NOC3L: variants seen among roughly 807,000 people sequenced by gnomAD.
The protein encoded by NOC3L is nucleolar complex protein 3 homolog.
A neutral mutation model predicts 102.5 loss-of-function variants in NOC3L; 85 were observed. That is an observed-to-expected ratio of 0.83 (90% CI 0.70 to 0.99). The LOEUF (loss-of-function observed/expected upper bound fraction) is 0.99. Among genes scored for constraint, NOC3L ranks in the 50% least tolerant of loss-of-function variants. The probability of loss-of-function intolerance (pLI) is 0.00; values close to 1 mark genes in which losing one functional copy is unlikely to be tolerated. For synonymous variants in NOC3L, 303 were observed against 309.4 expected (o/e 0.98, Z 0.22); for missense variants, 878 against 914.9 (o/e 0.96, Z 0.52).
chr10:94,335,565 G>A (rs1292664915), intron 19 of NOC3L, among the ~76,000 whole-genome samples: 6 of 152,088 alleles, frequency 3.9e-5, no homozygotes, highest in Admixed American at 1.3e-4. Flanking sequence ...AGAAGGAAAG[G>A]GCTCATGGAA....
intron 1 of NOC3L, 167 bp from the exon 2 acceptor site, chr10:94,362,039 A>G: frequency 1.5e-6 from 1 of 681,124 alleles, no homozygotes; most frequent in Non-Finnish European, 2.6e-6. Context: ...AATCCTACAG[A>G]AGAGCGCTAC....
At chr10:94,346,701 C>T (rs1413331827) in intron 10 of NOC3L, 145 bp from the exon 11 acceptor site, 6 of 408,318 alleles carry the variant, frequency 1.5e-5, no homozygotes, top group African/African-American at 1.3e-4. Context: ...ACACCAACTT[C>T]TTTTATCTGT....
chr10:94,361,857 G>T lies in NOC3L; in HGVS notation c.25C>A (p.Gln9Lys). The T allele has an allele frequency of 6.2e-7, 1 of 1,608,620 alleles. No individual in the cohort carries two copies. Among genetic ancestry groups the T allele is most frequent in the Non-Finnish European group, 8.5e-7 (1 of 1,176,898 alleles). Reference sequence around the variant, plus strand: ...ATTAACTTGCGAAAGCTTGGGATCTGTTTTTTATTTCTTCTCTAGAAAATA... The same window carrying T: ...ATTAACTTGCGAAAGCTTGGGATCTTTTTTTTATTTCTTCTCTAGAAAATA... MKARRNKK[Q>K]IPSFRKLIKT... is the part of the protein sequence containing the mutation. Residue 9 changes from glutamine (Q) to lysine (K), a missense_variant, in exon 2 of 21, where the codon CAG (glutamine) becomes AAG (lysine). Coordinates refer to ENST00000371361, the MANE Select transcript of NOC3L (RefSeq NM_022451.11).
In NOC3L at chr10:94,341,749, G is replaced by T. The variant is rs1486399358; in HGVS notation, c.1572-4C>A. 6.5e-7 allele frequency: 1 copy of T among 1,530,302 alleles called. No individual in the cohort carries two copies. Among genetic ancestry groups the T allele is most frequent in the South Asian group, 1.3e-5 (1 of 75,692 alleles). The allele number at this position is 1,530,302 out of a possible 1,614,324, so 94.8% of individuals were successfully genotyped here. A position where few individuals can be genotyped will look rare whatever the true frequency, so the allele number is the denominator to read the frequency against. ...CACATTTATAAGGTGAGCAAACCTG[G>T]AATCAAACAAAACAGTTAATCAGTG... On this transcript the variant is annotated splice_polypyrimidine_tract_variant and splice_region_variant and intron_variant, in intron 13 of 20. Transcript: ENST00000371361.
the NOC3L span, among the ~76,000 whole-genome samples, chr10:94,317,725 A>G: frequency 6.6e-6 from 1 of 152,234 alleles, no homozygotes. Flanking sequence ...GACTTAATTG[A>G]TGAAGCACTT....
At chr10:94,323,530 A>G in the NOC3L span, among the ~76,000 whole-genome samples, 1 of 152,246 alleles carries the variant, frequency 6.6e-6, no homozygotes, top group African/African-American at 2.4e-5. Flanking sequence ...CTCCAGCAAA[A>G]CACTACATGG....
chr10:94,334,617 T>C lies in NOC3L; in HGVS notation c.2274+17A>G, dbSNP rs1449325563. 1 of 1,583,864 alleles carries C rather than the reference T, an allele frequency of 6.3e-7. No homozygotes were observed. ...GTTTCTATTTCTTCCTTTAAAAAAA[T>C]GAAAAATATCCCATACCTTTATTTT... is the stretch of plus-strand genomic sequence containing the variant. On this transcript the variant is annotated intron_variant, in intron 20 of 20. Transcript: ENST00000371361.
Position 94,340,491 on chromosome 10 carries a change from T to C in NOC3L, c.1650A>G (p.Leu550=). 8.5e-7 allele frequency: 1 copy of C among 1,169,788 alleles called. No homozygotes were observed. The allele number at this position is 1,169,788 out of a possible 1,614,324, so 72.5% of individuals were successfully genotyped here. A position where few individuals can be genotyped will look rare whatever the true frequency, so the allele number is the denominator to read the frequency against. ...VLHTLIESGD[L]SYQESLHCVQ... is the part of the protein sequence containing the mutation. ...CACAGTGAAGACTTTCTTGATAGCT[T>C]AGGTCCTTTAAAAAAAAAAGGGGGG... The change falls in exon 15 of 21, where the codon CTA becomes CTG. Residue 550 remains leucine (L), a synonymous_variant. Coordinates refer to ENST00000371361, the MANE Select transcript of NOC3L (RefSeq NM_022451.11).
the NOC3L span, chr10:94,325,264 T>A: frequency 3.2e-6 from 2 of 630,414 alleles, no homozygotes; most frequent in Admixed American, 5.0e-5. Flanking sequence ...GCTCTGAAGA[T>A]ATGTGTAACA....
At position 94,361,868 on chromosome 10, in the gene NOC3L, C is replaced by A. The variant is rs1390183487; in HGVS notation, c.14G>T (p.Arg5Ile). The A allele has an allele frequency of 1.2e-6, 2 of 1,602,278 alleles. No individual in the cohort carries two copies. The highest frequency in any genetic ancestry group is 1.7e-6 in the Non-Finnish European group (2 of 1,171,850). ...AAAGCTTGGGATCTGTTTTTTATTT[C>A]TTCTCTAGAAAATAACAGAAAGAAT... MKAR[R>I]NKKQIPSFRK... Residue 5 changes from arginine to isoleucine, a missense_variant, in exon 2 of 21, where the codon AGA (arginine) becomes ATA (isoleucine). Arg to Ile is a moderately conservative substitution (Grantham distance 97). Transcript: ENST00000371361.
At chr10:94,356,425 G>T in intron 5 of NOC3L, 110 bp downstream of exon 5, 1 of 705,368 alleles carries the variant, frequency 1.4e-6, no homozygotes, top group South Asian at 1.6e-5. Flanking sequence ...ACCTTGAAAT[G>T]AGCAGTACTC....
intron 10 of NOC3L, among the ~76,000 whole-genome samples, chr10:94,348,197 A>G (rs1017142823): frequency 3.3e-5 from 5 of 150,382 alleles, no homozygotes; most frequent in Admixed American, 2.0e-4. Flanking sequence ...CAGATATTAA[A>G]TCTGTACTCA....
the NOC3L span, chr10:94,316,432 A>G: frequency 1.4e-6 from 1 of 707,668 alleles, no homozygotes; most frequent in South Asian, 1.5e-5. Context: ...ATTATGCAAT[A>G]CTCTAGAGTA....
chr10:94,327,946 G>T, the NOC3L span: 1 of 529,654 alleles, frequency 1.9e-6, no homozygotes, highest in Admixed American at 2.0e-5. Context: ...ATACTAATAA[G>T]CCTCTGTATA....
the NOC3L span, among the ~76,000 whole-genome samples, chr10:94,327,240 A>G: frequency 6.6e-6 from 1 of 152,124 alleles, no homozygotes; most frequent in African/African-American, 2.4e-5. Flanking sequence ...GACCTCCTTT[A>G]CAATGGTCTT....
At chr10:94,337,754 A>G (rs781021222) in intron 19 of NOC3L, 23 bp downstream of exon 19, 1 of 1,507,264 alleles carries the variant, frequency 6.6e-7, no homozygotes, top group Non-Finnish European at 9.2e-7. Context: ...GTAGTTTTAG[A>G]ATAAGGCAAT....
chr10:94,324,992 A>C, the NOC3L span: 1 of 1,614,018 alleles, frequency 6.2e-7, no homozygotes, highest in Non-Finnish European at 8.5e-7. Flanking sequence ...TCACCTTCTC[A>C]GCTCTTGACC....
intron 13 of NOC3L, among the ~76,000 whole-genome samples, chr10:94,344,078 C>T (rs1251823847): frequency 6.6e-6 from 1 of 152,162 alleles, no homozygotes; most frequent in African/African-American, 2.4e-5. Context: ...TTAAAATAGA[C>T]TTAAGAGTCA....
chr10:94,362,939 CAG>C (rs1279569127), upstream of NOC3L: 23 of 1,588,472 alleles, frequency 1.4e-5, no homozygotes, highest in Non-Finnish European at 8.6e-6. Flanking sequence ...CCTACACTAC[CAG>C]AGCCGGAAAC....
Sources: gnomAD v4.1 joint callset for allele counts (sites outside exome capture counted in the v4.1 genomes callset) on GRCh38, gnomAD v4.1.1 for gene constraint, MANE v1.5 for transcripts, NCBI Gene and HGNC (gene_info 2026-07-23, HGNC 2026-07-21) for gene names.